ASPHD2: variants seen among roughly 807,000 people sequenced by gnomAD.
The protein encoded by ASPHD2 is aspartate beta-hydroxylase domain containing 2, also known as aspartate beta-hydroxylase domain-containing protein 2.
In ASPHD2, 12 loss-of-function variants were observed where a neutral mutation model predicts 34.6. That is an observed-to-expected ratio of 0.35 (90% confidence interval 0.22 to 0.56). ASPHD2 has a LOEUF of 0.56. ASPHD2 is among the 20% of genes least tolerant of loss of function. The pLI is 0.87. For synonymous variants in ASPHD2, 224 were observed against 212.2 expected (o/e 1.06, Z -0.48); for missense variants, 375 against 505.0 (o/e 0.74, Z 2.47).
At chr22:26,438,468 CACAT>C (rs1329550553) in intron 2 of ASPHD2, among the ~76,000 whole-genome samples, 2 of 69,738 alleles carry the variant, frequency 2.9e-5, no homozygotes, top group Non-Finnish European at 7.0e-5. Flanking sequence ...TATACACACA[CACAT>C]ATATATACAT....
At position 26,438,622 on chromosome 22, in the gene ASPHD2, CACAT is replaced by C. The variant is rs1568984091; in HGVS notation, c.887-3835_887-3832del. ...ACACATATATACATATATATATACA[CACAT>C]ATATATACATATATATATACACATA... On this transcript the variant is annotated intron_variant, in intron 2 of 3. Coordinates refer to ENST00000215906, the MANE Select transcript of ASPHD2 (RefSeq NM_020437.5). Among the ~76,000 whole-genome samples the C allele has an allele frequency of 7.9e-4, 104 of 131,536 alleles. 1 individual carries two copies. Among genetic ancestry groups the C allele is most frequent in the Non-Finnish European group, 1.1e-3 (70 of 62,066 alleles). The allele number at this position is 131,536 out of a possible 152,430, so 86.3% of individuals were successfully genotyped here.
At chr22:26,435,422 C>G (rs2084784544) in intron 2 of ASPHD2, among the ~76,000 whole-genome samples, 1 of 152,204 alleles carries the variant, frequency 6.6e-6, no homozygotes, top group African/African-American at 2.4e-5. Context: ...CGGTTAGTAT[C>G]TCAGATTAGA....
At chr22:26,437,500 G>A (rs1401526674) in intron 2 of ASPHD2, among the ~76,000 whole-genome samples, 2 of 152,116 alleles carry the variant, frequency 1.3e-5, no homozygotes, top group East Asian at 1.9e-4. Context: ...ACTCAGCATC[G>A]TACACAATGC....
chr22:26,442,443 C>G lies in ASPHD2; in HGVS notation c.887-16C>G. 6.4e-7 allele frequency: 1 copy of G among 1,551,776 alleles called. No homozygotes were observed. Among genetic ancestry groups the G allele is most frequent in the South Asian group, 1.2e-5 (1 of 85,006 alleles). ...CTTGCCTGCCTTCACTCTCCTTTCT[C>G]TGGTTTTCCTACAAGGTCTGAAAAC... On this transcript the variant is annotated splice_polypyrimidine_tract_variant and intron_variant, in intron 2 of 3. Transcript: ENST00000215906.
intron 2 of ASPHD2, among the ~76,000 whole-genome samples, chr22:26,437,591 G>A (rs2084800223): frequency 6.6e-6 from 1 of 152,166 alleles, no homozygotes; most frequent in African/African-American, 2.4e-5. Context: ...CAGGGAGGCA[G>A]ATACTTCATG....
At chr22:26,432,186 A>G (rs1306011080) in intron 1 of ASPHD2, among the ~76,000 whole-genome samples, 1 of 152,074 alleles carries the variant, frequency 6.6e-6, no homozygotes, top group African/African-American at 2.4e-5. Flanking sequence ...TAAGAGTGAA[A>G]CTCCGTCTCA....
chr22:26,432,731 C>T (rs1479630177), intron 1 of ASPHD2, among the ~76,000 whole-genome samples: 1 of 152,166 alleles, frequency 6.6e-6, no homozygotes, highest in Non-Finnish European at 1.5e-5. Context: ...TGGGTGAGAC[C>T]ATAGGTAGTC....
intron 2 of ASPHD2, among the ~76,000 whole-genome samples, chr22:26,440,590 C>T (rs547165074): frequency 3.9e-5 from 6 of 152,170 alleles, no homozygotes; most frequent in South Asian, 4.1e-4. Flanking sequence ...CACCCCTCAG[C>T]CTCCCAAAGT....
In ASPHD2 at chr22:26,438,582, C is replaced by CATACATATATACACATACATAT. The variant is rs1568984030; in HGVS notation, c.887-3866_887-3865insCACATACATATATACATATATA. On this transcript the variant is annotated intron_variant, in intron 2 of 3. Coordinates refer to ENST00000215906, the MANE Select transcript of ASPHD2 (RefSeq NM_020437.5). ...ACATATATACACATACATATATATACATACATATATATACACACATATATA... is the reference window on the plus strand; with the variant it reads ...ACATATATACACATACATATATATACATACATATATACACATACATATATACATATATATACACACATATATA... 1.7e-3 allele frequency among the ~76,000 whole-genome samples: 234 copies of CATACATATATACACATACATAT among 137,686 alleles called. 6 individuals are homozygous for CATACATATATACACATACATAT. In the South Asian group the frequency reaches 0.019, roughly 11 times the overall value. The allele number at this position is 137,686 out of a possible 152,430, so 90.3% of individuals were successfully genotyped here.
In ASPHD2 at chr22:26,433,988, A is replaced by G. The variant is rs199798478; in HGVS notation, c.373A>G (p.Lys125Glu). 1 of 1,613,462 alleles carries G rather than the reference A, an allele frequency of 6.2e-7. No individual in the cohort carries two copies. Among genetic ancestry groups the G allele is most frequent in the Admixed American group, 1.7e-5 (1 of 60,008 alleles). ...RCTHNEGLNQ[K>E]LYHNLQEYAK... ...CACCCACAACGAGGGCCTCAACCAGAAGCTGTACCACAACCTGCAGGAGTA... is the reference window on the plus strand; with the variant it reads ...CACCCACAACGAGGGCCTCAACCAGGAGCTGTACCACAACCTGCAGGAGTA... The change falls in exon 2 of 4, where the codon AAG becomes GAG. Residue 125 changes from lysine (K) to glutamate (E), a missense_variant. By Grantham distance (56) the Lys-to-Glu change is moderately conservative. Coordinates refer to ENST00000215906, the MANE Select transcript of ASPHD2 (RefSeq NM_020437.5). This position sits in a 1 kb window ranked among gnomAD's most constrained non-coding sequence, Gnocchi z 5.1.
In ASPHD2 at chr22:26,429,857, T is replaced by G. The variant is rs964719423; in HGVS notation, c.-225+371T>G. Among the ~76,000 whole-genome samples the G allele has an allele frequency of 6.6e-6, 1 of 151,974 alleles. No homozygotes were observed. The highest frequency in any genetic ancestry group is 1.5e-5 in the Non-Finnish European group (1 of 67,974). On this transcript the variant is annotated intron_variant, in intron 1 of 3. Coordinates refer to ENST00000215906, the MANE Select transcript of ASPHD2 (RefSeq NM_020437.5). The surrounding 1 kb of genome is among the most constrained non-coding windows in gnomAD (Gnocchi z 4.5). ...CCCTCAGCATCACCCACTTCCCATATTTCACGTGGTGACCCTCCTCCCCTG... is the reference window on the plus strand; with the variant it reads ...CCCTCAGCATCACCCACTTCCCATAGTTCACGTGGTGACCCTCCTCCCCTG...
Position 26,442,572 on chromosome 22 carries a change from G to A in ASPHD2, c.1000G>A (p.Gly334Ser). The A allele has an allele frequency of 6.3e-7, 1 of 1,590,670 alleles. No homozygotes were observed. The highest frequency in any genetic ancestry group is 8.6e-7 in the Non-Finnish European group (1 of 1,165,906). ...TTTCCTGCATGCTGCGTTCCATGAA[G>A]GTGAGTGGCTGCCTTTCCCACTTCC... is the stretch of plus-strand genomic sequence containing the variant. Reference protein sequence around the residue: ...DSFLHAAFHEGSAEDGPRVVF... With the variant: ...DSFLHAAFHESSAEDGPRVVF... The change falls in exon 3 of 4, where the codon GGT becomes AGT. Residue 334 changes from glycine to serine, a missense_variant and splice_region_variant. Coordinates refer to ENST00000215906, the MANE Select transcript of ASPHD2 (RefSeq NM_020437.5).
At chr22:26,438,145 G>A (rs1430437583) in intron 2 of ASPHD2, among the ~76,000 whole-genome samples, 3 of 152,216 alleles carry the variant, frequency 2.0e-5, no homozygotes, top group African/African-American at 4.8e-5. Flanking sequence ...CTGAAACCCC[G>A]GGGTGGCTGT....
Position 26,444,589 on chromosome 22 carries a change from T to G in ASPHD2, c.*1383T>G, listed in dbSNP as rs771345508. 6.6e-6 allele frequency: 1 copy of G among 152,182 alleles called. No homozygotes were observed. Among genetic ancestry groups the G allele is most frequent in the Non-Finnish European group, 1.5e-5 (1 of 68,036 alleles). The allele number at this position is 152,182 out of a possible 1,614,324, so 9.4% of individuals were successfully genotyped here. On this transcript the variant is annotated 3_prime_UTR_variant, in exon 4 of 4. Coordinates refer to ENST00000215906, the MANE Select transcript of ASPHD2 (RefSeq NM_020437.5). Reference sequence around the variant, plus strand: ...TTTCTGAATAATGTATTATGAGCAGTGTCAGATTTATAAAGCCGAGGAGTG... The same window carrying G: ...TTTCTGAATAATGTATTATGAGCAGGGTCAGATTTATAAAGCCGAGGAGTG...
intron 2 of ASPHD2, among the ~76,000 whole-genome samples, chr22:26,440,520 A>G (rs1354421784): frequency 5.3e-5 from 8 of 151,926 alleles, no homozygotes; most frequent in Non-Finnish European, 1.2e-4. Context: ...TAGTAGAGAG[A>G]GGGTTTCACC....
At position 26,443,978 on chromosome 22, in the gene ASPHD2, G is replaced by A. The variant is rs895122450; in HGVS notation, c.*772G>A. The stretch of plus-strand genomic sequence containing the variant: ...GCTGCGGCTCACACAGATCAGCCAC[G>A]GAACGTGTGATCCGCTTACCTCACT... On this transcript the variant is annotated 3_prime_UTR_variant, in exon 4 of 4. Coordinates refer to ENST00000215906, the MANE Select transcript of ASPHD2 (RefSeq NM_020437.5). 4 of 152,224 alleles carry A rather than the reference G, an allele frequency of 2.6e-5. No individual in the cohort carries two copies. The highest frequency in any genetic ancestry group is 2.1e-4 in the South Asian group (1 of 4,834). 9.4% of individuals were successfully genotyped at this position (152,224 alleles called of 1,614,324 possible). A position where few individuals can be genotyped will look rare whatever the true frequency, so the allele number is the denominator to read the frequency against.
Position 26,433,389 on chromosome 22 carries a change from C to T in ASPHD2, c.-224-3C>T, listed in dbSNP as rs939315904. 5.5e-6 allele frequency: 3 copies of T among 547,408 alleles called. No homozygotes were observed. Among genetic ancestry groups the T allele is most frequent in the Non-Finnish European group, 6.4e-6 (2 of 312,312 alleles). The allele number at this position is 547,408 out of a possible 1,614,324, so 33.9% of individuals were successfully genotyped here. A position where few individuals can be genotyped will look rare whatever the true frequency, so the allele number is the denominator to read the frequency against. On this transcript the variant is annotated splice_polypyrimidine_tract_variant and splice_region_variant and intron_variant, in intron 1 of 3. Coordinates refer to ENST00000215906, the MANE Select transcript of ASPHD2 (RefSeq NM_020437.5). This position sits in a 1 kb window ranked among gnomAD's most constrained non-coding sequence, Gnocchi z 5.1. ...TTATGCTGATTTTTTTTTTCCATCCCAGGTTTGGTTTTCCTAAACAAATCC... is the reference window on the plus strand; with the variant it reads ...TTATGCTGATTTTTTTTTTCCATCCTAGGTTTGGTTTTCCTAAACAAATCC...
chr22:26,429,423 G>A lies in ASPHD2; in HGVS notation c.-288G>A, dbSNP rs1298300189. Reference sequence around the variant, plus strand: ...CGGCGCCGGGCAGGGGCCGTCCGCGGGTCCGCGCCCTCGGGCGGCGGCGTC... The same window carrying A: ...CGGCGCCGGGCAGGGGCCGTCCGCGAGTCCGCGCCCTCGGGCGGCGGCGTC... On this transcript the variant is annotated 5_prime_UTR_variant, in exon 1 of 4. Transcript: ENST00000215906. This position sits in a 1 kb window ranked among gnomAD's most constrained non-coding sequence, Gnocchi z 4.5. 8 of 147,896 alleles carry A rather than the reference G, an allele frequency of 5.4e-5. No individual in the cohort carries two copies. The highest frequency in any genetic ancestry group is 2.0e-4 in the African/African-American group (8 of 40,838). 9.2% of individuals were successfully genotyped at this position (147,896 alleles called of 1,614,324 possible).
intron 1 of ASPHD2, among the ~76,000 whole-genome samples, chr22:26,432,580 C>G (rs2084764018): frequency 6.6e-6 from 1 of 152,238 alleles, no homozygotes; most frequent in Non-Finnish European, 1.5e-5. Context: ...GTTCCGGGCT[C>G]TGTCCCTAAC....
Sources: allele counts gnomAD v4.1 joint callset (sites outside exome capture counted in the v4.1 genomes callset), GRCh38; gene constraint gnomAD v4.1.1; non-coding constraint Gnocchi (gnomAD v3.1); transcripts MANE v1.5; gene names NCBI Gene and HGNC (gene_info 2026-07-23, HGNC 2026-07-21).